FLNB: variants seen among roughly 807,000 people sequenced by gnomAD.
FLNB encodes filamin B, also known as filamin-B.
In FLNB, 111 loss-of-function variants were observed where a neutral mutation model predicts 250.6. The ratio of observed to expected loss-of-function variants is 0.44; its 90% CI spans 0.38 to 0.52. The LOEUF (loss-of-function observed/expected upper bound fraction) is 0.52. Among genes scored for constraint, FLNB ranks in the 20% least tolerant of loss-of-function variants. FLNB has a pLI of 0.00. For missense variants in FLNB, 2,869 were observed against 3,447.8 expected, an observed-to-expected ratio of 0.83 and a Z score of 4.20; for synonymous variants, 1,302 against 1,372.1, an observed-to-expected ratio of 0.95 and a Z score of 1.13.
intron 1 of FLNB, among the ~76,000 whole-genome samples, chr3:58,075,923 C>T (rs1457506664): frequency 6.6e-6 from 1 of 151,946 alleles, no homozygotes; most frequent in Non-Finnish European, 1.5e-5. Context: ...AGATGGATAG[C>T]TGCAGAGAAG....
chr3:58,097,381 A>G (rs1480625339), intron 6 of FLNB, among the ~76,000 whole-genome samples: 2 of 152,214 alleles, frequency 1.3e-5, no homozygotes, highest in Non-Finnish European at 2.9e-5. Flanking sequence ...GATGGAAATC[A>G]TTCTACTTTG....
chr3:58,014,505 G>A (rs760938897), intron 1 of FLNB, among the ~76,000 whole-genome samples: 17 of 152,236 alleles, frequency 1.1e-4, no homozygotes, highest in Non-Finnish European at 2.4e-4. Flanking sequence ...GTCGGCAGCC[G>A]CCTTCGTTCT....
chr3:58,097,838 G>T lies in FLNB; in HGVS notation c.1008G>T (p.Gln336His). The T allele has an allele frequency of 6.2e-7, 1 of 1,614,102 alleles. No homozygotes were observed. Among genetic ancestry groups the T allele is most frequent in the Non-Finnish European group, 8.5e-7 (1 of 1,179,994 alleles). Residue 336 changes from glutamine to histidine, a missense_variant, in exon 7 of 46, where the codon CAG becomes CAT. This residue lies in a region of FLNB where 308 missense variants were observed against 466.1 expected (regional missense o/e 0.66). Transcript: ENST00000295956. ...LHKVTVLFAG[Q>H]HISKSPFEVS... ...AGGTCACAGTCCTCTTTGCAGGACA[G>T]CACATCTCCAAGAGCCCATTTGAAG...
intron 12 of FLNB, 92 bp from the exon 13 acceptor site, chr3:58,108,366 G>C: frequency 2.5e-6 from 2 of 812,656 alleles, no homozygotes; most frequent in South Asian, 1.4e-5. Context: ...AGGTCATTTT[G>C]TTCTTCCCCC....
rs1576738734 is a variant in FLNB at position 58,112,151 on chromosome 3, G to A, written c.2578G>A (p.Val860Met). The A allele has an allele frequency of 1.2e-6, 2 of 1,613,990 alleles. No individual in the cohort carries two copies. Among genetic ancestry groups the A allele is most frequent in the East Asian group, 2.2e-5 (1 of 44,886 alleles). ...CACTTCACAGTATATCTTTCCAGGT[G>A]TGGAAAATGGGAAACCGACCCACTT... ...AEGPGLSKAG[V>M]ENGKPTHFTV... Residue 860 changes from valine to methionine, a missense_variant and splice_region_variant, in exon 18 of 46, where the codon GTG (valine) becomes ATG (methionine). Around this residue, in one of 5 missense-constraint regions of FLNB, gnomAD observed 1,348 missense variants for 1,466.7 expected, o/e 0.92. Transcript: ENST00000295956.
At chr3:58,091,201 A>T (rs1459265750) in intron 4 of FLNB, among the ~76,000 whole-genome samples, 1 of 152,256 alleles carries the variant, frequency 6.6e-6, no homozygotes, top group Non-Finnish European at 1.5e-5. Flanking sequence ...TTATTATTTT[A>T]AAACCTATAT....
intron 1 of FLNB, among the ~76,000 whole-genome samples, chr3:58,059,091 A>T (rs746127498): frequency 1.3e-5 from 2 of 152,208 alleles, no homozygotes; most frequent in Non-Finnish European, 2.9e-5. Context: ...GTCCTGCAGC[A>T]GTTAAAAAAT....
At chr3:58,097,679 G>A in intron 6 of FLNB, 136 bp from the exon 7 acceptor site, 3 of 870,854 alleles carry the variant, frequency 3.4e-6, no homozygotes, top group Non-Finnish European at 1.8e-6. Flanking sequence ...TGGTTCCAGG[G>A]CTCCTTATTC....
At chr3:58,046,389 T>C (rs545286825) in intron 1 of FLNB, among the ~76,000 whole-genome samples, 5 of 152,286 alleles carry the variant, frequency 3.3e-5, no homozygotes, top group Admixed American at 1.3e-4. Flanking sequence ...ATTCACCCTT[T>C]TAAAGTATGC....
intron 1 of FLNB, among the ~76,000 whole-genome samples, chr3:58,010,754 C>T (rs2097097368): frequency 6.6e-6 from 1 of 152,212 alleles, no homozygotes; most frequent in African/African-American, 2.4e-5. Context: ...CCAAACCAAA[C>T]CGCAGCACTA....
Position 58,094,972 on chromosome 3 carries a change from G to A in FLNB, c.906+18G>A. 6.3e-7 allele frequency: 1 copy of A among 1,578,562 alleles called. No individual in the cohort carries two copies. The highest frequency in any genetic ancestry group is 2.2e-5 in the East Asian group (1 of 44,724). ...AAGAGGAGGTATGTTGGAGGATGCT[G>A]CCTCTCCTTTCCAGCACCTCATGGA... On this transcript the variant is annotated intron_variant, in intron 5 of 45. Transcript: ENST00000295956.
chr3:58,071,965 C>T (rs2097195247), intron 1 of FLNB, among the ~76,000 whole-genome samples: 1 of 150,228 alleles, frequency 6.7e-6, no homozygotes, highest in South Asian at 2.1e-4. Context: ...CCGGTTTCCA[C>T]CCCCGTGAAT....
chr3:58,148,979 C>T, intron 36 of FLNB, 127 bp downstream of exon 36: 1 of 846,920 alleles, frequency 1.2e-6, no homozygotes, highest in Non-Finnish European at 1.9e-6. Context: ...ATAGGTCCTT[C>T]TGCCTGCATT....
In FLNB at chr3:58,008,562, A is replaced by G; in HGVS notation, c.-3A>G. On this transcript the variant is annotated 5_prime_UTR_variant, in exon 1 of 46. Transcript: ENST00000295956. ...TGCGCATTGCGCTCTCCCCGCCACCAGGATGCCGGTAACCGAGAAGGATCT... is the reference window on the plus strand; with the variant it reads ...TGCGCATTGCGCTCTCCCCGCCACCGGGATGCCGGTAACCGAGAAGGATCT... 1 of 1,586,386 alleles carries G rather than the reference A, an allele frequency of 6.3e-7. No individual in the cohort carries two copies. Among genetic ancestry groups the G allele is most frequent in the Non-Finnish European group, 8.6e-7 (1 of 1,167,402 alleles).
intron 39 of FLNB, 190 bp from the exon 40 acceptor site, chr3:58,154,601 G>C: frequency 1.1e-5 from 6 of 569,448 alleles, no homozygotes; most frequent in Non-Finnish European, 1.9e-5. Flanking sequence ...TGTGAATTTA[G>C]TTATCACTAG....
At chr3:58,141,374 AC>A (rs2097326692) in intron 29 of FLNB, among the ~76,000 whole-genome samples, 1 of 152,156 alleles carries the variant, frequency 6.6e-6, no homozygotes, top group Non-Finnish European at 1.5e-5. Flanking sequence ...CACACACCTC[AC>A]TTTCATGCCT....
rs748051826 is a variant in FLNB, at chr3:58,077,063, G to A, written c.310G>A (p.Asp104Asn). 3 of 1,614,138 alleles carry A rather than the reference G, an allele frequency of 1.9e-6. No individual in the cohort carries two copies. Among genetic ancestry groups the A allele is most frequent in the Non-Finnish European group, 1.7e-6 (2 of 1,179,996 alleles). ...CTCCCCAGATAGCAAAGCCATTGTG[G>A]ATGGGAACCTGAAGCTCATCTTGGG... The part of the protein sequence containing the change: ...LVSIDSKAIV[D>N]GNLKLILGLV... Residue 104 changes from aspartate to asparagine, a missense_variant, in exon 2 of 46, where the codon GAT (aspartate) becomes AAT (asparagine). Coordinates refer to ENST00000295956, the MANE Select transcript of FLNB (RefSeq NM_001457.4).
chr3:58,030,628 C>T (rs1014407967), intron 1 of FLNB, among the ~76,000 whole-genome samples: 1 of 152,152 alleles, frequency 6.6e-6, no homozygotes, highest in African/African-American at 2.4e-5. Flanking sequence ...AATCCCAGCA[C>T]TTCATAATGC....
chr3:58,071,731 C>T (rs557816913), intron 1 of FLNB, among the ~76,000 whole-genome samples: 7 of 152,172 alleles, frequency 4.6e-5, no homozygotes, highest in African/African-American at 1.7e-4. Flanking sequence ...CCTCTGCCAC[C>T]GTGGTTAATC....
Sources: allele counts gnomAD v4.1 joint callset (sites outside exome capture counted in the v4.1 genomes callset), GRCh38; gene constraint gnomAD v4.1.1; regional missense constraint gnomAD v4.1.1; transcripts MANE v1.5; gene names NCBI Gene and HGNC (gene_info 2026-07-23, HGNC 2026-07-21).